Variants in GOLM2 observed in about 807,000 individuals in gnomAD.
GOLM2 encodes golgi membrane protein 2, also known as protein GOLM2.
Under a neutral mutation model 55.9 loss-of-function variants are expected in GOLM2, and 26 were observed. The ratio of observed to expected loss-of-function variants is 0.47; its 90% CI spans 0.34 to 0.65. The LOEUF (loss-of-function observed/expected upper bound fraction) is 0.65, where lower values mean the gene tolerates loss of function less well. Ranked by LOEUF, GOLM2 falls within the 30% of genes least tolerant of loss-of-function variation. The pLI, the probability that GOLM2 is intolerant of heterozygous loss-of-function variation, is 0.01. For synonymous variants in GOLM2, 165 were observed against 194.6 expected (o/e 0.85, Z 1.27); for missense variants, 486 against 531.8 (o/e 0.91, Z 0.85).
chr15:44,363,544 A>G (rs1486338950), intron 6 of GOLM2, among the ~76,000 whole-genome samples: 1 of 152,206 alleles, frequency 6.6e-6, no homozygotes, highest in Non-Finnish European at 1.5e-5. Context: ...TCAGGAAACA[A>G]CAGGTGCTGG....
At chr15:44,392,780 T>C (rs1487154132) in intron 8 of GOLM2, among the ~76,000 whole-genome samples, 1 of 152,170 alleles carries the variant, frequency 6.6e-6, no homozygotes, top group African/African-American at 2.4e-5. Context: ...TAACAAAATA[T>C]ATGAGGAAAA....
At chr15:44,365,981 A>G (rs766573536) in intron 6 of GOLM2, among the ~76,000 whole-genome samples, 2 of 152,158 alleles carry the variant, frequency 1.3e-5, no homozygotes, top group Admixed American at 6.6e-5. Flanking sequence ...TCTTCCTGTC[A>G]GTTTTGTTGT....
At chr15:44,295,080 C>CTTTT (rs1188122757) in intron 1 of GOLM2, among the ~76,000 whole-genome samples, 1 of 143,362 alleles carries the variant, frequency 7.0e-6, no homozygotes, top group Non-Finnish European at 1.5e-5. Context: ...ACATAAATTC[C>CTTTT]TTTTTTTTTT....
chr15:44,292,906 C>G (rs2078731243), intron 1 of GOLM2, among the ~76,000 whole-genome samples: 1 of 152,110 alleles, frequency 6.6e-6, no homozygotes, highest in Admixed American at 6.5e-5. Flanking sequence ...CCTCAAACTC[C>G]TGGGCTCAAG....
intron 8 of GOLM2, among the ~76,000 whole-genome samples, chr15:44,396,451 C>T (rs1267302715): frequency 6.6e-6 from 1 of 152,124 alleles, no homozygotes; most frequent in Non-Finnish European, 1.5e-5. Flanking sequence ...CTCATACCTT[C>T]CCAATAAAAC....
chr15:44,352,763 G>A (rs1247782474), intron 6 of GOLM2, among the ~76,000 whole-genome samples: 1 of 151,938 alleles, frequency 6.6e-6, no homozygotes, highest in Non-Finnish European at 1.5e-5. Context: ...AAAATTACCT[G>A]GGCATAGTGG....
At chr15:44,376,394 T>C (rs2079365251) in intron 6 of GOLM2, among the ~76,000 whole-genome samples, 1 of 152,052 alleles carries the variant, frequency 6.6e-6, no homozygotes, top group South Asian at 2.1e-4. Context: ...GCCTCCTGAG[T>C]AGCTGGATTA....
intron 4 of GOLM2, among the ~76,000 whole-genome samples, chr15:44,336,013 C>T (rs909659601): frequency 6.6e-6 from 1 of 151,878 alleles, no homozygotes; most frequent in African/African-American, 2.4e-5. Flanking sequence ...CGGGGTTTCG[C>T]CATGTTGGTC....
chr15:44,408,212 G>A (rs2079610929), intron 9 of GOLM2, among the ~76,000 whole-genome samples: 1 of 152,110 alleles, frequency 6.6e-6, no homozygotes, highest in South Asian at 2.1e-4. Flanking sequence ...TAAAATATTA[G>A]TTCTTATAAT....
chr15:44,383,719 A>T (rs1333341856), intron 8 of GOLM2, among the ~76,000 whole-genome samples: 2 of 134,472 alleles, frequency 1.5e-5, no homozygotes, highest in Non-Finnish European at 3.1e-5. Context: ...TCTATCACCC[A>T]GGCTTGGAGT....
In GOLM2 at chr15:44,326,597, A is replaced by G. The variant is rs149624776; in HGVS notation, c.383-2088A>G. ...TTTTTTTTTGCATGGATGCAATTAT[A>G]TGTTTACATCTGCTGTTTAAAAACA... On this transcript the variant is annotated intron_variant, in intron 2 of 9. Transcript: ENST00000299957. Among the ~76,000 whole-genome samples the G allele has an allele frequency of 4.4e-3, 663 of 149,980 alleles. 4 individuals carry two copies. Among genetic ancestry groups the G allele is most frequent in the African/African-American group, 0.016 (642 of 41,046 alleles).
intron 6 of GOLM2, among the ~76,000 whole-genome samples, chr15:44,345,114 T>C (rs1188447241): frequency 6.6e-6 from 1 of 150,896 alleles, no homozygotes; most frequent in Non-Finnish European, 1.5e-5. Flanking sequence ...CCTGGCCTAT[T>C]TTTTTATTTT....
chr15:44,396,296 T>C (rs2079526367), intron 8 of GOLM2, among the ~76,000 whole-genome samples: 1 of 152,030 alleles, frequency 6.6e-6, no homozygotes, highest in South Asian at 2.1e-4. Flanking sequence ...AAATGGAGGT[T>C]GTGGTGAGCC....
chr15:44,294,480 C>T (rs1040936273), intron 1 of GOLM2, among the ~76,000 whole-genome samples: 3 of 151,288 alleles, frequency 2.0e-5, no homozygotes, highest in Non-Finnish European at 2.9e-5. Flanking sequence ...TTTGGGAGGC[C>T]GAGGTGGGCA....
intron 6 of GOLM2, among the ~76,000 whole-genome samples, chr15:44,358,360 C>T (rs1381049447): frequency 6.6e-6 from 1 of 151,888 alleles, no homozygotes; most frequent in Non-Finnish European, 1.5e-5. Context: ...CTCAAAGAAA[C>T]AAAACAAAAT....
At chr15:44,309,381 G>A (rs933907893) in intron 1 of GOLM2, among the ~76,000 whole-genome samples, 54 of 152,228 alleles carry the variant, frequency 3.5e-4, no homozygotes, top group African/African-American at 1.3e-3. Context: ...GTAAGTTCTG[G>A]AGATCAATGT....
chr15:44,299,876 C>T (rs1281031946), intron 1 of GOLM2, among the ~76,000 whole-genome samples: 1 of 126,652 alleles, frequency 7.9e-6, no homozygotes, highest in Admixed American at 1.1e-4. Context: ...GTGGCTGAGG[C>T]AGGAGGATCA....
intron 6 of GOLM2, among the ~76,000 whole-genome samples, chr15:44,351,997 T>G (rs117987519): frequency 0.012 from 1,752 of 152,300 alleles, 38 homozygotes; most frequent in East Asian, 0.087. Context: ...ATGTTCATAC[T>G]ACCCAAAGCA....
In GOLM2 at chr15:44,402,900, T is replaced by A; in HGVS notation, c.1086T>A (p.Asp362Glu). 6.2e-7 allele frequency: 1 copy of A among 1,613,990 alleles called. No individual in the cohort carries two copies. The highest frequency in any genetic ancestry group is 8.5e-7 in the Non-Finnish European group (1 of 1,179,986). The change falls in exon 9 of 10, where the codon GAT becomes GAA. Residue 362 changes from aspartate to glutamate, a missense_variant. Physicochemically the swap from Asp to Glu is conservative, Grantham distance 45 (BLOSUM62 2). Coordinates refer to ENST00000299957, the MANE Select transcript of GOLM2 (RefSeq NM_138423.4). Reference protein sequence around the residue: ...FHKLKQSRFFDENESPVDPQH... With the variant: ...FHKLKQSRFFEENESPVDPQH... ...CCTACTTCACAGGCCGATTCTTTGATGAAAATGAATCCCCTGTTGATCCGC... is the reference window on the plus strand; with the variant it reads ...CCTACTTCACAGGCCGATTCTTTGAAGAAAATGAATCCCCTGTTGATCCGC...
Sources: allele counts gnomAD v4.1 joint callset (sites outside exome capture counted in the v4.1 genomes callset), GRCh38; gene constraint gnomAD v4.1.1; transcripts MANE v1.5; gene names NCBI Gene and HGNC (gene_info 2026-07-23, HGNC 2026-07-21).